JAKMIP3: variants seen among roughly 807,000 people sequenced by gnomAD.
JAKMIP3 encodes the protein janus kinase and microtubule-interacting protein 3.
A neutral mutation model predicts 118.5 loss-of-function variants in JAKMIP3; 58 were observed. The ratio of observed to expected loss-of-function variants is 0.49; its 90% CI spans 0.40 to 0.61. JAKMIP3 has a LOEUF of 0.61. Among genes scored for constraint, JAKMIP3 ranks in the 20% least tolerant of loss-of-function variants. The pLI is 0.00. For synonymous variants in JAKMIP3, 486 were observed against 451.2 expected (o/e 1.08, Z -0.98); for missense variants, 950 against 1,109.0 (o/e 0.86, Z 2.04).
Position 132,049,871 on chromosome 10 carries a change from C to G in JAKMIP3, c.-138+13133C>G, listed in dbSNP as rs1419793921. Reference sequence around the variant, plus strand: ...GTCTTCTGTGACGTTTTTGTTTTGGCTATTTTTGATATTGGGATATTTTAC... The same window carrying G: ...GTCTTCTGTGACGTTTTTGTTTTGGGTATTTTTGATATTGGGATATTTTAC... On this transcript the variant is annotated intron_variant, in intron 1 of 23. Transcript: ENST00000657785. The surrounding 1 kb of genome is among the most constrained non-coding windows in gnomAD (Gnocchi z 4.3). 6.6e-6 allele frequency among the ~76,000 whole-genome samples: 1 copy of G among 152,142 alleles called. No homozygotes were observed. The highest frequency in any genetic ancestry group is 1.5e-5 in the Non-Finnish European group (1 of 68,032).
At chr10:132,136,596 C>T (rs576374683) in intron 6 of JAKMIP3, among the ~76,000 whole-genome samples, 83 of 152,312 alleles carry the variant, frequency 5.4e-4, no homozygotes, top group Middle Eastern at 6.8e-3. Context: ...GTAATTCAGC[C>T]GGATGTGGGG....
chr10:132,049,361 GT>G lies in JAKMIP3; in HGVS notation c.-138+12625del, dbSNP rs2038033828. Among the ~76,000 whole-genome samples the G allele has an allele frequency of 6.6e-6, 1 of 152,010 alleles. No individual in the cohort carries two copies. The highest frequency in any genetic ancestry group is 1.5e-5 in the Non-Finnish European group (1 of 68,012). ...ACTTCCTCCTCTTTCTTGCTGACCT[GT>G]TACTTTTCTCTTTATGTCATTTTAT... On this transcript the variant is annotated intron_variant, in intron 1 of 23. Coordinates refer to the JAKMIP3 transcript ENST00000657785. This position sits in a 1 kb window ranked among gnomAD's most constrained non-coding sequence, Gnocchi z 4.3.
chr10:132,180,602 CGCGTGTGTGTGTGCGTGTGTGTGCGTGT>C (rs2060847690), intron 23 of JAKMIP3, among the ~76,000 whole-genome samples: 1 of 12,062 alleles, frequency 8.3e-5, no homozygotes, highest in African/African-American at 4.2e-4. Context: ...TGTGTGCGTG[CGCGTGTGTGTGTGCGTGTGTGTGCGTGT>C]GTGCGTGCGT....
At position 132,145,141 on chromosome 10, in the gene JAKMIP3, C is replaced by A. The variant is rs370911193; in HGVS notation, c.1637C>A (p.Ala546Glu). The stretch of plus-strand genomic sequence containing the variant: ...CAGCTACAAGCCGAAGTGCAGAGGG[C>A]ACAGGCGCGGATAGAGGACCTGGAG... The part of the protein sequence containing the change: ...REQLQAEVQR[A>E]QARIEDLEKA... The change falls in exon 12 of 24, where the codon GCA becomes GAA. Residue 546 changes from alanine (A) to glutamate (E), a missense_variant. Ala to Glu is a moderately radical substitution (Grantham distance 107). Transcript: ENST00000684848. 219 of 1,612,410 alleles carry A rather than the reference C, an allele frequency of 1.4e-4. No individual in the cohort carries two copies. Among genetic ancestry groups the A allele is most frequent in the Non-Finnish European group, 1.8e-4 (208 of 1,179,766 alleles).
intron 3 of JAKMIP3, among the ~76,000 whole-genome samples, chr10:132,125,533 A>C (rs553359080): frequency 1.3e-5 from 2 of 152,326 alleles, no homozygotes; most frequent in South Asian, 4.1e-4. Context: ...TCCCTTCTTC[A>C]AGATTGTTAC....
chr10:132,139,772 G>A (rs2053097341), intron 9 of JAKMIP3, among the ~76,000 whole-genome samples: 1 of 152,190 alleles, frequency 6.6e-6, no homozygotes, highest in Admixed American at 6.5e-5. Flanking sequence ...GGGTGGCCCT[G>A]GGGTCCCTGA....
Position 132,180,530 on chromosome 10 carries a change from T to TGTGTGTGTGTGTGTGTGTGC in JAKMIP3, c.*1104-1812_*1104-1811insTGTGCGTGTGTGTGTGTGTG, listed in dbSNP as rs776553583. Among the ~76,000 whole-genome samples, 93 of 31,938 alleles carry TGTGTGTGTGTGTGTGTGTGC rather than the reference T, an allele frequency of 2.9e-3. 35 individuals carry two copies. The highest frequency in any genetic ancestry group is 7.0e-3 in the African/African-American group (35 of 5,020). 21.0% of individuals were successfully genotyped at this position (31,938 alleles called of 152,430 possible). ...GCAAACCTGGAAGCAGAACTGTGTG[T>TGTGTGTGTGTGTGTGTGTGC]GTGTGTGTGTGTGTGCGTGCGTGCA... On this transcript the variant is annotated intron_variant, in intron 23 of 23. Transcript: ENST00000684848.
At chr10:132,097,903 T>TTCCCCTTTCCTTCCTTCCTCTTCTTTTC (rs1554928101) in intron 1 of JAKMIP3, among the ~76,000 whole-genome samples, 1 of 72,874 alleles carries the variant, frequency 1.4e-5, no homozygotes, top group South Asian at 6.7e-4. Context: ...CCCCTTCCCC[T>TTCCCCTTTCCTTCCTTCCTCTTCTTTTC]TCCCCTTCCC....
chr10:132,113,848 TG>T (rs2047227694), intron 2 of JAKMIP3, among the ~76,000 whole-genome samples: 2 of 152,266 alleles, frequency 1.3e-5, no homozygotes, highest in Non-Finnish European at 2.9e-5. Context: ...CTTTACCCGC[TG>T]CACTGCAGTT....
At chr10:132,171,490 A>C (rs1303925724) in intron 23 of JAKMIP3, among the ~76,000 whole-genome samples, 1 of 152,158 alleles carries the variant, frequency 6.6e-6, no homozygotes, top group Admixed American at 6.5e-5. Flanking sequence ...GCGAGACGTT[A>C]CTGTGCTGTC....
In JAKMIP3 at chr10:132,184,201, T is replaced by G. The variant is rs2061682030; in HGVS notation, c.*2948T>G. ...TGACACCAGTGTGTTGTTTACCTTG[T>G]GCCCATGGTCCAGATTTTGAGCTGG... On this transcript the variant is annotated 3_prime_UTR_variant, in exon 24 of 24. Transcript: ENST00000684848. The G allele has an allele frequency of 4.6e-5, 7 of 152,280 alleles. No individual in the cohort carries two copies. The highest frequency in any genetic ancestry group is 4.6e-4 in the Admixed American group (7 of 15,290). 9.4% of individuals were successfully genotyped at this position (152,280 alleles called of 1,614,324 possible).
chr10:132,092,330 GA>G (rs1448737887), intron 1 of JAKMIP3, among the ~76,000 whole-genome samples: 1 of 152,180 alleles, frequency 6.6e-6, no homozygotes, highest in African/African-American at 2.4e-5. Flanking sequence ...CTAGGTTGGG[GA>G]AGTTCTCCTG....
chr10:132,156,620 A>AC (rs1564976904), intron 19 of JAKMIP3, among the ~76,000 whole-genome samples: 2 of 151,898 alleles, frequency 1.3e-5, no homozygotes, highest in Admixed American at 6.6e-5. Flanking sequence ...ACCTTCCCTG[A>AC]CCCCCAGTGA....
chr10:132,080,564 C>T (rs557018354), intron 1 of JAKMIP3, among the ~76,000 whole-genome samples: 2 of 127,372 alleles, frequency 1.6e-5, no homozygotes, highest in South Asian at 2.6e-4. Flanking sequence ...CTCTGTCACC[C>T]AGGCTGGAGT....
chr10:132,101,654 G>T (rs1040451394), intron 1 of JAKMIP3, among the ~76,000 whole-genome samples: 2 of 152,088 alleles, frequency 1.3e-5, no homozygotes, highest in African/African-American at 2.4e-5. Flanking sequence ...CACAGAGAGT[G>T]GTGCGGCAGC....
rs553383398 is a variant in JAKMIP3 at position 132,172,611 on chromosome 10, G to A, written c.*1103+3578G>A. On this transcript the variant is annotated intron_variant, in intron 23 of 23. Coordinates refer to ENST00000684848, the MANE Select transcript of JAKMIP3 (RefSeq NM_001323087.2). ...TGTATCGCACTGTATGCTTCCAGCC[G>A]TTCAGTCTGTCCCTGGGTCGTGGCC... 1.2e-4 allele frequency among the ~76,000 whole-genome samples: 18 copies of A among 151,988 alleles called. 1 individual carries two copies. Among genetic ancestry groups the A allele is most frequent in the South Asian group, 2.1e-4 (1 of 4,808 alleles).
intron 1 of JAKMIP3, among the ~76,000 whole-genome samples, chr10:132,093,632 C>G (rs1040838946): frequency 3.9e-5 from 6 of 152,324 alleles, no homozygotes; most frequent in Admixed American, 3.9e-4. Context: ...CAGGTGCTGT[C>G]CATCACCGCT....
At chr10:132,122,709 C>T (rs928738760) in intron 3 of JAKMIP3, among the ~76,000 whole-genome samples, 7 of 152,158 alleles carry the variant, frequency 4.6e-5, no homozygotes, top group Non-Finnish European at 8.8e-5. Flanking sequence ...AGCCAACAGA[C>T]ACCCCAGACA....
intron 1 of JAKMIP3, among the ~76,000 whole-genome samples, chr10:132,038,874 G>A (rs1424056951): frequency 6.6e-6 from 1 of 152,182 alleles, no homozygotes; most frequent in Non-Finnish European, 1.5e-5. Flanking sequence ...CTGTGTTACG[G>A]GGTGTGGGTG....
Sources: allele counts gnomAD v4.1 joint callset (sites outside exome capture counted in the v4.1 genomes callset), GRCh38; gene constraint gnomAD v4.1.1; non-coding constraint Gnocchi (gnomAD v3.1); transcripts MANE v1.5; gene names NCBI Gene and HGNC (gene_info 2026-07-23, HGNC 2026-07-21).